SMYD3: variants seen among roughly 807,000 people sequenced by gnomAD.
SMYD3 encodes histone-lysine N-methyltransferase SMYD3.
In SMYD3, 36 loss-of-function variants were observed where a neutral mutation model predicts 57.7. The ratio of observed to expected loss-of-function variants is 0.62; its 90% CI spans 0.48 to 0.82. The LOEUF is 0.82. SMYD3 is among the 40% of genes least tolerant of loss of function. SMYD3 has a pLI of 0.00. For synonymous variants in SMYD3, 211 were observed against 195.0 expected (o/e 1.08, Z -0.68); for missense variants, 515 against 538.8 (o/e 0.96, Z 0.44).
intron 5 of SMYD3, among the ~76,000 whole-genome samples, chr1:246,007,436 T>C (rs1558146270): frequency 6.6e-6 from 1 of 152,130 alleles, no homozygotes; most frequent in Non-Finnish European, 1.5e-5. Context: ...ATGAGATTCA[T>C]TCACCTGGCA....
intron 5 of SMYD3, among the ~76,000 whole-genome samples, chr1:246,063,278 G>T (rs372340277): frequency 6.6e-6 from 1 of 152,180 alleles, no homozygotes; most frequent in Non-Finnish European, 1.5e-5. Context: ...CTGTGATAAC[G>T]TGAGAAATGT....
intron 5 of SMYD3, among the ~76,000 whole-genome samples, chr1:246,313,634 A>ATG (rs1175055473): frequency 2.0e-5 from 3 of 152,334 alleles, no homozygotes; most frequent in Non-Finnish European, 4.4e-5. Flanking sequence ...GTCTGGTCAC[A>ATG]TGTAGCTCTA....
chr1:246,354,744 T>C (rs2065884853), intron 2 of SMYD3, among the ~76,000 whole-genome samples: 1 of 151,932 alleles, frequency 6.6e-6, no homozygotes, highest in African/African-American at 2.4e-5. Context: ...TGATTGCCTG[T>C]GGAAATGAGA....
At chr1:245,954,500 C>T (rs2057766991) in intron 5 of SMYD3, among the ~76,000 whole-genome samples, 1 of 152,120 alleles carries the variant, frequency 6.6e-6, no homozygotes, top group South Asian at 2.1e-4. Flanking sequence ...ATGGTGAAAC[C>T]CTGTCTCTAC....
chr1:246,186,164 AAATT>A (rs1178451640), intron 5 of SMYD3, among the ~76,000 whole-genome samples: 1 of 152,228 alleles, frequency 6.6e-6, no homozygotes, highest in African/African-American at 2.4e-5. Context: ...ATGATTCTCA[AAATT>A]AATAAAACAC....
intron 10 of SMYD3, among the ~76,000 whole-genome samples, chr1:245,775,727 A>T (rs1464384501): frequency 4.5e-4 from 61 of 135,826 alleles, no homozygotes; most frequent in Non-Finnish European, 7.6e-4. Flanking sequence ...AAAAAAAAAA[A>T]AAATAAAAAA....
chr1:246,180,063 T>G (rs2062509847), intron 5 of SMYD3, among the ~76,000 whole-genome samples: 1 of 151,534 alleles, frequency 6.6e-6, no homozygotes, highest in Non-Finnish European at 1.5e-5. Flanking sequence ...ACCCCAGCAC[T>G]TTGGGAGGTC....
intron 5 of SMYD3, among the ~76,000 whole-genome samples, chr1:246,279,784 G>A (rs572940397): frequency 4.9e-4 from 74 of 152,254 alleles, no homozygotes; most frequent in Non-Finnish European, 7.6e-4. Context: ...TGCCTGTGAC[G>A]CATCACACAA....
At chr1:246,269,527 CTG>C (rs2064175279) in intron 5 of SMYD3, among the ~76,000 whole-genome samples, 1 of 140,816 alleles carries the variant, frequency 7.1e-6, no homozygotes, top group Non-Finnish European at 1.6e-5. Flanking sequence ...TGTTTTCTTT[CTG>C]TTTCTTTTTT....
Position 245,764,124 on chromosome 1 carries a change from C to G in SMYD3, c.1102G>C (p.Val368Leu). Residue 368 changes from valine (V) to leucine (L), a missense_variant, in exon 11 of 12, where the codon GTC (valine) becomes CTC (leucine). Val to Leu is a conservative substitution (Grantham distance 32). Coordinates refer to ENST00000490107, the MANE Select transcript of SMYD3 (RefSeq NM_001167740.2). ...YRIFFPGSHP[V>L]RGVQVMKVGK... is the part of the protein sequence containing the mutation. ...ACTTTCATCACTTGAACCCCTCTGA[C>G]GGGATGGCTTCCTGGGAAAAAAATC... 6.2e-7 allele frequency: 1 copy of G among 1,614,010 alleles called. No individual in the cohort carries two copies. The highest frequency in any genetic ancestry group is 8.5e-7 in the Non-Finnish European group (1 of 1,179,952).
intron 5 of SMYD3, among the ~76,000 whole-genome samples, chr1:246,291,460 T>C (rs1238110773): frequency 6.6e-6 from 1 of 152,256 alleles, no homozygotes; most frequent in Non-Finnish European, 1.5e-5. Flanking sequence ...TATTTATTTA[T>C]ATGTTAACCT....
chr1:245,773,470 C>T lies in SMYD3; in HGVS notation c.1077-9321G>A, dbSNP rs541106873. On this transcript the variant is annotated intron_variant, in intron 10 of 11. Transcript: ENST00000490107. ...AAAAATTTCCTCACTCTCATGCCCG[C>T]GAGCAGCCTGGCTGGCAGCAGGGAA... Among the ~76,000 whole-genome samples the T allele has an allele frequency of 5.9e-5, 9 of 152,304 alleles. No homozygotes were observed. The South Asian group carries it at 1.2e-3, about 21-fold the overall frequency.
intron 5 of SMYD3, among the ~76,000 whole-genome samples, chr1:246,029,733 T>C (rs549416461): frequency 6.9e-6 from 1 of 144,280 alleles, no homozygotes; most frequent in Non-Finnish European, 1.5e-5. Flanking sequence ...CCAGCAAATA[T>C]ATGAAAAAAT....
chr1:245,858,779 A>C, intron 9 of SMYD3, 109 bp from the exon 10 acceptor site: 4 of 1,138,506 alleles, frequency 3.5e-6, no homozygotes. Flanking sequence ...CGAGGGAAGC[A>C]CCCGTTATTT....
chr1:246,147,283 T>C (rs6426282), intron 5 of SMYD3, among the ~76,000 whole-genome samples: 45,888 of 152,006 alleles, frequency 0.3, 9,364 homozygotes, highest in African/African-American at 0.56. Context: ...TATTTATTGC[T>C]GGAGAAAGGC....
At chr1:246,362,680 C>A (rs1425283028) in intron 1 of SMYD3, among the ~76,000 whole-genome samples, 1 of 152,268 alleles carries the variant, frequency 6.6e-6, no homozygotes, top group East Asian at 1.9e-4. Flanking sequence ...CCGGGCTGGT[C>A]TCCAGCTCCT....
At chr1:246,396,002 A>C (rs1303173326) in intron 1 of SMYD3, among the ~76,000 whole-genome samples, 1 of 152,230 alleles carries the variant, frequency 6.6e-6, no homozygotes, top group Non-Finnish European at 1.5e-5. Flanking sequence ...TTACAAGGTT[A>C]GCTAAATATC....
At chr1:246,163,818 T>A (rs928211862) in intron 5 of SMYD3, among the ~76,000 whole-genome samples, 2 of 152,234 alleles carry the variant, frequency 1.3e-5, no homozygotes, top group Admixed American at 1.3e-4. Flanking sequence ...TGCATACAAC[T>A]GAGTGTGCTC....
At chr1:245,919,010 C>A (rs2055660924) in intron 7 of SMYD3, among the ~76,000 whole-genome samples, 1 of 152,204 alleles carries the variant, frequency 6.6e-6, no homozygotes, top group African/African-American at 2.4e-5. Context: ...GAATGGCCAA[C>A]AGGAGACTAG....
Sources: gnomAD v4.1 joint callset for allele counts (sites outside exome capture counted in the v4.1 genomes callset) on GRCh38, gnomAD v4.1.1 for gene constraint, MANE v1.5 for transcripts, NCBI Gene and HGNC (gene_info 2026-07-23, HGNC 2026-07-21) for gene names.